Variants in RFT1 observed in about 807,000 individuals in gnomAD.
RFT1 encodes man(5)GlcNAc(2)-PP-dolichol translocation protein RFT1.
RFT1 carries 43 observed loss-of-function variants against 62.2 expected under a neutral mutation model. That is an observed-to-expected ratio of 0.69 (90% CI 0.54 to 0.89). The LOEUF (loss-of-function observed/expected upper bound fraction) is 0.89, where lower values mean the gene tolerates loss of function less well. RFT1 is among the 40% of genes least tolerant of loss of function. The pLI is 0.00. For missense variants in RFT1, 605 were observed against 649.9 expected, an observed-to-expected ratio of 0.93 and a Z score of 0.75; for synonymous variants, 262 against 264.6, an observed-to-expected ratio of 0.99 and a Z score of 0.10.
intron 10 of RFT1, among the ~76,000 whole-genome samples, chr3:53,102,528 G>GA (rs1308108956): frequency 3.3e-5 from 5 of 151,172 alleles, no homozygotes; most frequent in Admixed American, 6.6e-5. Flanking sequence ...GAGTTACCAA[G>GA]AAAAAAGAAA....
At chr3:53,118,007 A>C (rs1701855288) in intron 6 of RFT1, among the ~76,000 whole-genome samples, 1 of 152,160 alleles carries the variant, frequency 6.6e-6, no homozygotes, top group Non-Finnish European at 1.5e-5. Context: ...CTCCCACCTC[A>C]GCCTCCTGAG....
the RFT1 span, among the ~76,000 whole-genome samples, chr3:53,081,887 G>A: frequency 6.6e-6 from 1 of 152,058 alleles, no homozygotes; most frequent in East Asian, 1.9e-4. Flanking sequence ...AATAAGCCAT[G>A]GAAGGTCAGG....
chr3:53,106,796 A>G lies in RFT1; in HGVS notation c.826+23T>C, dbSNP rs750802719. The G allele has an allele frequency of 4.5e-6, 7 of 1,561,644 alleles. No individual in the cohort carries two copies. In the African/African-American group the frequency reaches 6.8e-5, roughly 15 times the overall value. On this transcript the variant is annotated intron_variant, in intron 8 of 12. Coordinates refer to ENST00000296292, the MANE Select transcript of RFT1 (RefSeq NM_052859.4). ...ATTAATAGTGTTCACCTTTAATTAA[A>G]ACACTACAGAATTTCATCTTACCCT... is the stretch of plus-strand genomic sequence containing the variant.
At chr3:53,099,194 G>A (rs1303821879) in intron 11 of RFT1, among the ~76,000 whole-genome samples, 187 bp downstream of exon 11, 6 of 152,184 alleles carry the variant, frequency 3.9e-5, no homozygotes, top group Admixed American at 1.3e-4. Flanking sequence ...GCCCTACAGT[G>A]GGGAGCACTT....
chr3:53,123,343 G>A (rs1702021258), intron 3 of RFT1, among the ~76,000 whole-genome samples: 1 of 152,206 alleles, frequency 6.6e-6, no homozygotes, highest in East Asian at 1.9e-4. Flanking sequence ...CTAAATCTAA[G>A]TGGCTGTTAA....
chr3:53,075,687 A>C, the RFT1 span, among the ~76,000 whole-genome samples: 115 of 152,188 alleles, frequency 7.6e-4, no homozygotes, highest in African/African-American at 2.7e-3. Flanking sequence ...GTTGCTGGCC[A>C]GGGGCCCCCA....
downstream of RFT1, among the ~76,000 whole-genome samples, chr3:53,087,822 G>A (rs917716857): frequency 1.3e-5 from 2 of 152,176 alleles, no homozygotes; most frequent in African/African-American, 4.8e-5. Flanking sequence ...CGCCTGGCCC[G>A]GCAAAGAATT....
At chr3:53,118,838 C>T (rs979270411) in intron 6 of RFT1, among the ~76,000 whole-genome samples, 3 of 152,080 alleles carry the variant, frequency 2.0e-5, no homozygotes, top group African/African-American at 7.2e-5. Context: ...AAAGATTATG[C>T]GCCACTCCAC....
intron 7 of RFT1, among the ~76,000 whole-genome samples, chr3:53,109,400 T>G (rs939271538): frequency 6.6e-6 from 1 of 152,206 alleles, no homozygotes; most frequent in Non-Finnish European, 1.5e-5. Context: ...GGTGAGAGAA[T>G]GAAATGCCTG....
At chr3:53,092,110 T>C (rs1701006877) in intron 12 of RFT1, 40 bp from the exon 13 acceptor site, 2 of 1,611,890 alleles carry the variant, frequency 1.2e-6, no homozygotes, top group African/African-American at 1.3e-5. Context: ...TTCCTCAGTC[T>C]ATACCTCCTT....
chr3:53,079,500 G>A, the RFT1 span, among the ~76,000 whole-genome samples: 1 of 152,298 alleles, frequency 6.6e-6, no homozygotes, highest in African/African-American at 2.4e-5. Flanking sequence ...TTGGGAGGCT[G>A]AGACGAGTGG....
the RFT1 span, among the ~76,000 whole-genome samples, chr3:53,072,119 T>C: frequency 6.6e-6 from 1 of 152,220 alleles, no homozygotes; most frequent in Non-Finnish European, 1.5e-5. Context: ...GGCCTCTGCC[T>C]GGGAGTGTCA....
At chr3:53,112,954 C>T (rs1276185708) in intron 6 of RFT1, among the ~76,000 whole-genome samples, 2 of 152,062 alleles carry the variant, frequency 1.3e-5, no homozygotes, top group Non-Finnish European at 1.5e-5. Context: ...TCTCTGGGGC[C>T]CCCTCCTCTA....
chr3:53,095,969 A>G (rs1047470293), intron 11 of RFT1, among the ~76,000 whole-genome samples: 3 of 152,182 alleles, frequency 2.0e-5, no homozygotes, highest in African/African-American at 7.2e-5. Flanking sequence ...GGAGCTGTCA[A>G]TCTTGGGCCT....
At position 53,092,568 on chromosome 3, in the gene RFT1, T is replaced by C. The variant is rs1332179859; in HGVS notation, c.1259A>G (p.Tyr420Cys). 5 of 1,612,374 alleles carry C rather than the reference T, an allele frequency of 3.1e-6. No individual in the cohort carries two copies. The highest frequency in any genetic ancestry group is 2.7e-5 in the African/African-American group (2 of 74,814). The part of the protein sequence containing the change: ...ALSSSFLVLS[Y>C]LLTRWCGSVG... ...GCTGCCACACCAACGGGTCAAGAGA[T>C]AGGATAACACCAGGAATGAGGAGGA... Residue 420 changes from tyrosine (Y) to cysteine (C), a missense_variant, in exon 12 of 13, where the codon TAT becomes TGT. Tyr to Cys is a radical substitution (Grantham distance 194). Coordinates refer to ENST00000296292, the MANE Select transcript of RFT1 (RefSeq NM_052859.4).
At chr3:53,103,487 A>G (rs1190787325) in intron 10 of RFT1, 1 of 179,842 alleles carries the variant, frequency 5.6e-6, no homozygotes, top group East Asian at 1.4e-4. Flanking sequence ...ATTTGCAGAG[A>G]TCAATTTTAT....
chr3:53,069,976 G>A, the RFT1 span, among the ~76,000 whole-genome samples: 4 of 152,208 alleles, frequency 2.6e-5, no homozygotes, highest in Non-Finnish European at 4.4e-5. Context: ...CCCTGCAGCA[G>A]AGCAGGCTCT....
chr3:53,112,051 C>A, intron 6 of RFT1, 143 bp from the exon 7 acceptor site: 2 of 719,810 alleles, frequency 2.8e-6, no homozygotes, highest in South Asian at 2.9e-5. Flanking sequence ...ATGCTAAGCA[C>A]ACAGAAGGCA....
At position 53,127,815 on chromosome 3, in the gene RFT1, AT is replaced by A. The variant is rs571010772; in HGVS notation, c.64-1822del. ...GAAATGAGACTGTAGAAGTGAAAGC[AT>A]TTTTTAAGTGCATACAAATGAAAGG... is the stretch of plus-strand genomic sequence containing the variant. On this transcript the variant is annotated intron_variant, in intron 1 of 12. Transcript: ENST00000296292. Among the ~76,000 whole-genome samples the A allele has an allele frequency of 2.0e-5, 3 of 152,232 alleles. No homozygotes were observed. The South Asian group carries it at 6.2e-4, about 31-fold the overall frequency.
Sources: allele counts gnomAD v4.1 joint callset (sites outside exome capture counted in the v4.1 genomes callset), GRCh38; gene constraint gnomAD v4.1.1; transcripts MANE v1.5; gene names NCBI Gene and HGNC (gene_info 2026-07-23, HGNC 2026-07-21).